The following CEP85L variants were observed in gnomAD, a reference collection of about 807,000 sequenced individuals.
The protein encoded by CEP85L is centrosomal protein 85L, also known as centrosomal protein of 85 kDa-like.
In CEP85L, 60 loss-of-function variants were observed where a neutral mutation model predicts 100.3. The observed-to-expected ratio is 0.60, with a 90% CI of 0.49 to 0.74. The LOEUF is 0.74. Ranked by LOEUF, CEP85L falls within the 30% of genes least tolerant of loss-of-function variation. The probability of loss-of-function intolerance (pLI) is 0.00; values close to 1 mark genes in which losing one functional copy is unlikely to be tolerated. For synonymous variants in CEP85L, 319 were observed against 322.7 expected (o/e 0.99, Z 0.12); for missense variants, 973 against 936.2 (o/e 1.04, Z -0.51).
At chr6:118,626,663 T>C (rs1291104590) in intron 2 of CEP85L, among the ~76,000 whole-genome samples, 1 of 152,168 alleles carries the variant, frequency 6.6e-6, no homozygotes, top group Admixed American at 6.5e-5. Flanking sequence ...CCTTCCACAC[T>C]GTAGAAGCTT....
chr6:118,571,673 C>G (rs1396282408), intron 2 of CEP85L, among the ~76,000 whole-genome samples: 1 of 152,068 alleles, frequency 6.6e-6, no homozygotes, highest in Non-Finnish European at 1.5e-5. Context: ...CCCTCCAGAT[C>G]TACATTAAAG....
rs200670772 is a variant in CEP85L, at chr6:118,565,799, C to T, written c.750G>A (p.Gln250=). 2.7e-5 allele frequency: 43 copies of T among 1,614,150 alleles called. No individual in the cohort carries two copies. In the East Asian group the frequency reaches 9.1e-4, roughly 34 times the overall value. The stretch of plus-strand genomic sequence containing the variant: ...AGGCACTATATGTCATGTCTACAGG[C>T]TGTCTCCTAAGAGTAGAGGAAGAGG... The part of the protein sequence containing the change: ...FRASSSTLRR[Q]PVDMTYSALP... The change falls in exon 3 of 13, where the codon CAG becomes CAA. Residue 250 remains glutamine (Q), a synonymous_variant. Transcript: ENST00000368491.
intron 5 of CEP85L, among the ~76,000 whole-genome samples, chr6:118,496,107 C>G (rs1257146162): frequency 1.3e-5 from 2 of 152,196 alleles, no homozygotes; most frequent in Non-Finnish European, 2.9e-5. Flanking sequence ...GGCTTCACAA[C>G]TTGGGTCAGA....
At chr6:118,572,783 C>T (rs1020407803) in intron 2 of CEP85L, among the ~76,000 whole-genome samples, 3 of 151,884 alleles carry the variant, frequency 2.0e-5, no homozygotes, top group East Asian at 1.9e-4. Flanking sequence ...AATATGAGGC[C>T]GGGTGCGGTG....
At chr6:118,529,601 C>CT (rs1777169705) in intron 3 of CEP85L, among the ~76,000 whole-genome samples, 1 of 99,094 alleles carries the variant, frequency 1.0e-5, no homozygotes, top group African/African-American at 4.3e-5. Context: ...GAGCGAGACT[C>CT]TGTCTCCAAA....
At chr6:118,529,697 A>T (rs1777183298) in intron 3 of CEP85L, among the ~76,000 whole-genome samples, 1 of 151,986 alleles carries the variant, frequency 6.6e-6, no homozygotes, top group Admixed American at 6.6e-5. Context: ...CAGTGAGGAG[A>T]AAAAGCCCTT....
intron 2 of CEP85L, among the ~76,000 whole-genome samples, chr6:118,629,285 G>A (rs1277354719): frequency 3.3e-5 from 5 of 152,098 alleles, no homozygotes; most frequent in Admixed American, 2.0e-4. Flanking sequence ...AGACATGTTC[G>A]ATAAAGGCCT....
intron 2 of CEP85L, among the ~76,000 whole-genome samples, chr6:118,613,672 G>T (rs1370091762): frequency 6.8e-6 from 1 of 146,116 alleles, no homozygotes; most frequent in African/African-American, 2.5e-5. Context: ...AAGGAGAATC[G>T]CTTGAACCCA....
intron 2 of CEP85L, among the ~76,000 whole-genome samples, chr6:118,618,523 C>T (rs563760053): frequency 6.6e-6 from 1 of 152,184 alleles, no homozygotes; most frequent in South Asian, 2.1e-4. Context: ...GATGAATTTC[C>T]TTTTTTTGGT....
intron 1 of CEP85L, among the ~76,000 whole-genome samples, chr6:118,697,929 T>C (rs1777269011): frequency 1.3e-5 from 2 of 152,320 alleles, no homozygotes; most frequent in African/African-American, 2.4e-5. Flanking sequence ...GAAGAAGTTA[T>C]AGCTTTGCTC....
At chr6:118,487,741 G>C (rs907016715) in intron 6 of CEP85L, among the ~76,000 whole-genome samples, 3 of 152,190 alleles carry the variant, frequency 2.0e-5, no homozygotes, top group Non-Finnish European at 4.4e-5. Context: ...CACTCTTGCT[G>C]CCTGGGACCA....
intron 3 of CEP85L, among the ~76,000 whole-genome samples, chr6:118,556,511 C>T (rs899185859): frequency 1.3e-5 from 2 of 152,220 alleles, no homozygotes; most frequent in Admixed American, 6.5e-5. Context: ...AAGTAAATGC[C>T]GGGTTCTAAC....
At chr6:118,549,873 A>G (rs908127368) in intron 3 of CEP85L, among the ~76,000 whole-genome samples, 1 of 151,896 alleles carries the variant, frequency 6.6e-6, no homozygotes, top group African/African-American at 2.4e-5. Flanking sequence ...ACTTACCCTT[A>G]GCTCACTAGT....
chr6:118,519,474 G>GTGTGTGTGT (rs1475826517), intron 4 of CEP85L, among the ~76,000 whole-genome samples: 3 of 43,240 alleles, frequency 6.9e-5, no homozygotes, highest in African/African-American at 1.8e-4. Flanking sequence ...GTGTGTGTGT[G>GTGTGTGTGT]GCGGGGGGGG....
At chr6:118,677,599 C>T (rs936870020) in intron 1 of CEP85L, among the ~76,000 whole-genome samples, 7 of 152,172 alleles carry the variant, frequency 4.6e-5, no homozygotes, top group Admixed American at 6.5e-5. Flanking sequence ...CCACTGTCTA[C>T]CAAGTATTAC....
intron 2 of CEP85L, among the ~76,000 whole-genome samples, chr6:118,569,020 A>T (rs557967457): frequency 6.6e-6 from 1 of 152,154 alleles, no homozygotes; most frequent in East Asian, 1.9e-4. Context: ...TAAGTATAAC[A>T]GTTTTAATTT....
intron 2 of CEP85L, among the ~76,000 whole-genome samples, chr6:118,579,545 C>A (rs935976383): frequency 6.6e-6 from 1 of 152,132 alleles, no homozygotes; most frequent in African/African-American, 2.4e-5. Flanking sequence ...TACTTCTCTC[C>A]TACAAAAATT....
rs367652102 is a variant in CEP85L at position 118,511,427 on chromosome 6, A to C, written c.1140-12T>G. ...TTTGTTGCTTCTGCCTGCAAAACAT[A>C]AATTAAGGTCACATTATGAGTTATA... On this transcript the variant is annotated splice_polypyrimidine_tract_variant and intron_variant, in intron 4 of 12. Coordinates refer to ENST00000368491, the MANE Select transcript of CEP85L (RefSeq NM_001042475.3). 325 of 1,521,972 alleles carry C rather than the reference A, an allele frequency of 2.1e-4. 1 individual carries two copies. Among genetic ancestry groups the C allele is most frequent in the Non-Finnish European group, 6.4e-5 (70 of 1,097,148 alleles). The allele number at this position is 1,521,972 out of a possible 1,614,324, so 94.3% of individuals were successfully genotyped here. A position where few individuals can be genotyped will look rare whatever the true frequency, so the allele number is the denominator to read the frequency against.
At chr6:118,615,593 C>T (rs1462500153) in intron 2 of CEP85L, among the ~76,000 whole-genome samples, 3 of 152,306 alleles carry the variant, frequency 2.0e-5, no homozygotes, top group African/African-American at 7.2e-5. Context: ...AATGTCCAGC[C>T]TAGTAAGAAA....
Sources: allele counts gnomAD v4.1 joint callset (sites outside exome capture counted in the v4.1 genomes callset), GRCh38; gene constraint gnomAD v4.1.1; transcripts MANE v1.5; gene names NCBI Gene and HGNC (gene_info 2026-07-23, HGNC 2026-07-21).